KIAA1217: variants seen among roughly 807,000 people sequenced by gnomAD.
The protein encoded by KIAA1217 is sickle tail protein homolog.
A neutral mutation model predicts 163.9 loss-of-function variants in KIAA1217; 88 were observed. The ratio of observed to expected loss-of-function variants is 0.54; its 90% CI spans 0.45 to 0.64. The LOEUF (loss-of-function observed/expected upper bound fraction) is 0.64. KIAA1217 is among the 30% of genes least tolerant of loss of function. The pLI is 0.00. For synonymous variants in KIAA1217, 903 were observed against 923.1 expected (o/e 0.98, Z 0.39); for missense variants, 2,372 against 2,475.0 (o/e 0.96, Z 0.88).
At chr10:24,527,756 A>G (rs532269396) in intron 13 of KIAA1217, among the ~76,000 whole-genome samples, 180 bp from the exon 14 acceptor site, 2 of 152,192 alleles carry the variant, frequency 1.3e-5, no homozygotes, top group South Asian at 4.2e-4. Context: ...GCATAAGTAA[A>G]CATGTCATAT....
chr10:24,496,358 G>T (rs979047587), intron 8 of KIAA1217, among the ~76,000 whole-genome samples: 1 of 152,216 alleles, frequency 6.6e-6, no homozygotes, highest in Admixed American at 6.5e-5. Flanking sequence ...CAGAGCAATT[G>T]CCAGTTTGTT....
At chr10:24,227,234 T>G (rs922585923) in intron 2 of KIAA1217, among the ~76,000 whole-genome samples, 1 of 152,050 alleles carries the variant, frequency 6.6e-6, no homozygotes, top group Non-Finnish European at 1.5e-5. Flanking sequence ...CTTTTCTCAC[T>G]GCAACCTCTG....
chr10:23,719,503 T>A lies in KIAA1217; in HGVS notation c.-321+24269T>A, dbSNP rs112775755. Among the ~76,000 whole-genome samples, 176 of 151,526 alleles carry A rather than the reference T, an allele frequency of 1.2e-3. 13 individuals carry two copies. In the East Asian group the frequency reaches 0.027, roughly 24 times the overall value. On this transcript the variant is annotated intron_variant, in intron 1 of 18. Transcript: ENST00000376462. The stretch of plus-strand genomic sequence containing the variant: ...GGCTGAGATGGGAGGATTGTTTGAG[T>A]CCAGGAGGTCATGGCTGCAGTGAGC...
In KIAA1217 at chr10:24,544,191, C is replaced by T; in HGVS notation, c.4921C>T (p.Gln1641Ter). Residue 1641 changes from glutamine to a stop codon, truncating the protein, a stop_gained, in exon 19 of 21, where the codon CAA becomes TAA. Coordinates refer to ENST00000376454, the MANE Select transcript of KIAA1217 (RefSeq NM_019590.5). LOFTEE classifies it high-confidence loss of function. ...EDTPENTVRR[Q>*]EQPSIESTSP... is the part of the protein sequence containing the mutation. Reference sequence around the variant, plus strand: ...CACCCCTGAAAACACAGTGAGGAGGCAAGAGCAGCCCAGCATCGAGAGTAC... The same window carrying T: ...CACCCCTGAAAACACAGTGAGGAGGTAAGAGCAGCCCAGCATCGAGAGTAC... 1 of 1,614,058 alleles carries T rather than the reference C, an allele frequency of 6.2e-7. No individual in the cohort carries two copies. The highest frequency in any genetic ancestry group is 8.5e-7 in the Non-Finnish European group (1 of 1,180,004).
At chr10:24,299,186 A>T (rs1190561588) in intron 2 of KIAA1217, among the ~76,000 whole-genome samples, 1 of 152,198 alleles carries the variant, frequency 6.6e-6, no homozygotes, top group Non-Finnish European at 1.5e-5. Flanking sequence ...CGAGTTTTCT[A>T]CAATTGCTCA....
chr10:24,248,745 A>G (rs2074142180), intron 2 of KIAA1217, among the ~76,000 whole-genome samples: 1 of 150,204 alleles, frequency 6.7e-6, no homozygotes, highest in Non-Finnish European at 1.5e-5. Context: ...CTGAGGGTTC[A>G]TTTTAGATAA....
chr10:24,234,800 C>G (rs1200010385), intron 2 of KIAA1217, among the ~76,000 whole-genome samples: 1 of 152,120 alleles, frequency 6.6e-6, no homozygotes. Flanking sequence ...TTATATTCCT[C>G]CATCTTAATT....
intron 1 of KIAA1217, among the ~76,000 whole-genome samples, chr10:23,838,514 G>T (rs1037315252): frequency 7.2e-5 from 11 of 151,872 alleles, no homozygotes; most frequent in African/African-American, 2.2e-4. Flanking sequence ...AGGCTGGAGT[G>T]CAGTGGCACC....
intron 2 of KIAA1217, among the ~76,000 whole-genome samples, chr10:24,319,603 G>T (rs746264439): frequency 1.4e-4 from 22 of 152,180 alleles, no homozygotes; most frequent in Admixed American, 3.3e-4. Flanking sequence ...CGTGCACGTA[G>T]AGCAAGAGGT....
intron 6 of KIAA1217, among the ~76,000 whole-genome samples, chr10:24,480,516 C>T (rs879807636): frequency 6.6e-6 from 1 of 152,120 alleles, no homozygotes; most frequent in African/African-American, 2.4e-5. Context: ...GACAAAGTAC[C>T]GAATCTTGCT....
intron 1 of KIAA1217, among the ~76,000 whole-genome samples, chr10:23,999,830 C>T (rs942065784): frequency 3.9e-5 from 6 of 151,982 alleles, no homozygotes; most frequent in Admixed American, 1.3e-4. Context: ...GAGGCCAAGG[C>T]GAGAGGATCG....
intron 1 of KIAA1217, among the ~76,000 whole-genome samples, chr10:23,789,530 G>T (rs778750567): frequency 6.6e-6 from 1 of 152,052 alleles, no homozygotes; most frequent in African/African-American, 2.4e-5. Context: ...GATGATAATG[G>T]AATCCAAGTC....
At chr10:23,933,022 C>T (rs1018026868) in intron 1 of KIAA1217, among the ~76,000 whole-genome samples, 12 of 152,188 alleles carry the variant, frequency 7.9e-5, no homozygotes, top group African/African-American at 2.9e-4. Flanking sequence ...GAACTATGGG[C>T]AGTTTATAAT....
chr10:23,981,873 G>A (rs1205574014), intron 1 of KIAA1217, among the ~76,000 whole-genome samples: 2 of 152,036 alleles, frequency 1.3e-5, no homozygotes. Context: ...TCTGTCTCAG[G>A]AAAATTAGTA....
intron 2 of KIAA1217, among the ~76,000 whole-genome samples, chr10:24,093,488 G>T (rs1307523163): frequency 6.6e-6 from 1 of 150,972 alleles, no homozygotes; most frequent in Non-Finnish European, 1.5e-5. Flanking sequence ...TTTTTCAGTA[G>T]AGACAAGGTC....
intron 1 of KIAA1217, among the ~76,000 whole-genome samples, chr10:23,796,989 G>A (rs1329118467): frequency 6.6e-6 from 1 of 152,094 alleles, no homozygotes; most frequent in Non-Finnish European, 1.5e-5. Flanking sequence ...AAGTAGCTGT[G>A]ACTCAAGGCA....
intron 1 of KIAA1217, among the ~76,000 whole-genome samples, chr10:23,924,327 A>G (rs2131298205): frequency 6.6e-6 from 1 of 152,310 alleles, no homozygotes; most frequent in East Asian, 1.9e-4. Flanking sequence ...AAAGGAAACT[A>G]CAATATAACT....
chr10:23,966,802 T>G lies in KIAA1217; in HGVS notation c.-320-40423T>G, dbSNP rs75286255. 8.0e-3 allele frequency among the ~76,000 whole-genome samples: 1,223 copies of G among 152,298 alleles called. 22 individuals carry two copies. Among genetic ancestry groups the G allele is most frequent in the African/African-American group, 0.028 (1,148 of 41,574 alleles). ...ATGTAGTAAGGAACTATGAAGGGAC[T>G]ATGTGATGATGTAATTAATTCTTTT... is the stretch of plus-strand genomic sequence containing the variant. On this transcript the variant is annotated intron_variant, in intron 1 of 18. Coordinates refer to the KIAA1217 transcript ENST00000376462.
chr10:24,031,796 TTGA>T (rs1325622017), intron 2 of KIAA1217, among the ~76,000 whole-genome samples: 2 of 152,218 alleles, frequency 1.3e-5, no homozygotes, highest in African/African-American at 4.8e-5. Context: ...CACATTAAAC[TTGA>T]TGATCACATG....
Sources: gnomAD v4.1 joint callset for allele counts (sites outside exome capture counted in the v4.1 genomes callset) on GRCh38, gnomAD v4.1.1 for gene constraint, MANE v1.5 for transcripts, NCBI Gene and HGNC (gene_info 2026-07-23, HGNC 2026-07-21) for gene names.